Variants in VPS54 observed in about 807,000 individuals in gnomAD.
VPS54 encodes VPS54 subunit of GARP complex.
A neutral mutation model predicts 121.5 loss-of-function variants in VPS54; 45 were observed. The observed-to-expected ratio is 0.37, with a 90% CI of 0.29 to 0.47. The LOEUF (loss-of-function observed/expected upper bound fraction) is 0.47. Among genes scored for constraint, VPS54 ranks in the 20% least tolerant of loss-of-function variants. The pLI is 0.99. For missense variants in VPS54, 1,090 were observed against 1,131.4 expected, an observed-to-expected ratio of 0.96 and a Z score of 0.52; for synonymous variants, 371 against 385.8, an observed-to-expected ratio of 0.96 and a Z score of 0.45.
chr2:63,975,248 C>T (rs1186593397), intron 3 of VPS54: 1 of 448,780 alleles, frequency 2.2e-6, no homozygotes, highest in African/African-American at 1.9e-5. Flanking sequence ...CATCTTGCTT[C>T]TAACCTCCAA....
In VPS54 at chr2:63,962,154, A is replaced by G. The variant is rs1575962405; in HGVS notation, c.914T>C (p.Val305Ala). The G allele has an allele frequency of 6.2e-7, 1 of 1,613,550 alleles. No homozygotes were observed. Among genetic ancestry groups the G allele is most frequent in the South Asian group, 1.1e-5 (1 of 91,068 alleles). ...TVHQTQPTVQ[V>A]LLSTSEFVGA... is the part of the protein sequence containing the mutation. The stretch of plus-strand genomic sequence containing the variant: ...AACAAATTCAGAAGTAGATAATAAC[A>G]CCTGTACTGTAGGCTGAGTCTGGTG... Residue 305 changes from valine to alanine, a missense_variant, in exon 7 of 23, where the codon GTG (valine) becomes GCG (alanine). Transcript: ENST00000272322.
chr2:63,963,886 T>G (rs1675876338), intron 6 of VPS54, among the ~76,000 whole-genome samples: 1 of 152,136 alleles, frequency 6.6e-6, no homozygotes, highest in South Asian at 2.1e-4. Flanking sequence ...GTGGACTGTT[T>G]AACAGGGCCA....
chr2:63,970,244 T>TATATATATATATAGATATATATAG (rs1286828125), intron 4 of VPS54, among the ~76,000 whole-genome samples: 4 of 97,910 alleles, frequency 4.1e-5, no homozygotes, highest in African/African-American at 1.6e-4. Context: ...CACATTCTAA[T>TATATATATATATAGATATATATAG]ATATATATAG....
chr2:63,969,146 C>A (rs1676150726), intron 4 of VPS54, among the ~76,000 whole-genome samples, 155 bp from the exon 5 acceptor site: 1 of 152,170 alleles, frequency 6.6e-6, no homozygotes, highest in South Asian at 2.1e-4. Flanking sequence ...CTATTACATG[C>A]CTAGTAGTAG....
At chr2:63,991,583 C>A (rs1575999053) in intron 1 of VPS54, among the ~76,000 whole-genome samples, 2 of 152,180 alleles carry the variant, frequency 1.3e-5, no homozygotes, top group Admixed American at 1.3e-4. Context: ...TAAAAGCGGC[C>A]AAGCCGGCTC....
rs1388350268 is a variant in VPS54, at chr2:63,944,668, A to G, written c.1246-13T>C. ...TATTAATCACACACTGCAAAATTTAAGAAAAAACAAAAACAATTTGATTAA... is the reference window on the plus strand; with the variant it reads ...TATTAATCACACACTGCAAAATTTAGGAAAAAACAAAAACAATTTGATTAA... On this transcript the variant is annotated splice_polypyrimidine_tract_variant and intron_variant, in intron 9 of 22. Transcript: ENST00000272322. 7 of 1,596,450 alleles carry G rather than the reference A, an allele frequency of 4.4e-6. No individual in the cohort carries two copies. The East Asian group carries it at 1.6e-4, about 36-fold the overall frequency.
chr2:63,918,422 A>C (rs1673482879), intron 15 of VPS54, among the ~76,000 whole-genome samples: 1 of 151,968 alleles, frequency 6.6e-6, no homozygotes, highest in Non-Finnish European at 1.5e-5. Context: ...AATTAAATAT[A>C]GCTTGAAAGA....
At chr2:64,015,333 CT>C (rs1678630853) in intron 1 of VPS54, among the ~76,000 whole-genome samples, 1 of 151,918 alleles carries the variant, frequency 6.6e-6, no homozygotes, top group South Asian at 2.1e-4. Context: ...AACAGATTTC[CT>C]TTTATTTTTC....
chr2:63,995,847 A>T (rs1422343063), intron 1 of VPS54, among the ~76,000 whole-genome samples: 1 of 152,242 alleles, frequency 6.6e-6, no homozygotes, highest in African/African-American at 2.4e-5. Context: ...TTATCATTGG[A>T]CATGACTAAA....
At chr2:63,985,693 AC>A (rs1677019347) in intron 1 of VPS54, among the ~76,000 whole-genome samples, 1 of 148,206 alleles carries the variant, frequency 6.7e-6, no homozygotes. Context: ...ACACACACAC[AC>A]ACACACACAC....
chr2:63,982,527 T>C (rs115415424), intron 2 of VPS54, among the ~76,000 whole-genome samples: 3,637 of 152,368 alleles, frequency 0.024, 87 homozygotes, highest in Non-Finnish European at 0.038. Context: ...TTTCATCAAC[T>C]GATCAATACA....
At chr2:63,918,293 T>C (rs549874505) in intron 15 of VPS54, among the ~76,000 whole-genome samples, 7 of 152,174 alleles carry the variant, frequency 4.6e-5, no homozygotes, top group Admixed American at 3.9e-4. Context: ...TCCACATTTA[T>C]GATTTTAATT....
intron 7 of VPS54, among the ~76,000 whole-genome samples, chr2:63,951,685 G>A (rs555005443): frequency 3.3e-5 from 5 of 152,086 alleles, no homozygotes; most frequent in Non-Finnish European, 7.4e-5. Context: ...GGTAGTAAAT[G>A]ATAAAATAGA....
intron 1 of VPS54, among the ~76,000 whole-genome samples, chr2:63,988,161 T>C (rs985125344): frequency 3.3e-5 from 5 of 152,258 alleles, no homozygotes; most frequent in African/African-American, 9.6e-5. Flanking sequence ...GGGTCTGTCA[T>C]ACATGGCTTT....
chr2:63,981,892 A>C lies in VPS54; in HGVS notation c.137-5T>G. ...CATATAAACTATGTGAATCACCTGC[A>C]AAAAGTAAACAAGAGAACTCTGTAA... On this transcript the variant is annotated splice_polypyrimidine_tract_variant and splice_region_variant and intron_variant, in intron 2 of 22. Coordinates refer to ENST00000272322, the MANE Select transcript of VPS54 (RefSeq NM_016516.3). The C allele has an allele frequency of 6.2e-7, 1 of 1,607,344 alleles. No individual in the cohort carries two copies. The highest frequency in any genetic ancestry group is 8.5e-7 in the Non-Finnish European group (1 of 1,176,982).
intron 1 of VPS54, among the ~76,000 whole-genome samples, chr2:63,987,392 C>G (rs889267575): frequency 1.3e-5 from 2 of 152,116 alleles, no homozygotes; most frequent in African/African-American, 2.4e-5. Context: ...GGGTTCTCTA[C>G]TTGGTTCCAC....
At chr2:63,978,419 C>T (rs145541257) in intron 3 of VPS54, among the ~76,000 whole-genome samples, 89 of 152,220 alleles carry the variant, frequency 5.8e-4, no homozygotes, top group Middle Eastern at 6.8e-3. Flanking sequence ...TGCTCACCTG[C>T]CTCACCTTAT....
At chr2:63,978,764 C>A (rs1020581099) in intron 3 of VPS54, among the ~76,000 whole-genome samples, 2 of 151,972 alleles carry the variant, frequency 1.3e-5, no homozygotes, top group Non-Finnish European at 2.9e-5. Flanking sequence ...GGACTACAGG[C>A]GCGCACCACC....
chr2:63,985,151 A>AC (rs1676984070), intron 1 of VPS54, among the ~76,000 whole-genome samples: 1 of 151,980 alleles, frequency 6.6e-6, no homozygotes, highest in African/African-American at 2.4e-5. Context: ...GAAACCTCGT[A>AC]TCTATAAAAA....
Sources: gnomAD v4.1 joint callset for allele counts (sites outside exome capture counted in the v4.1 genomes callset) on GRCh38, gnomAD v4.1.1 for gene constraint, MANE v1.5 for transcripts, NCBI Gene and HGNC (gene_info 2026-07-23, HGNC 2026-07-21) for gene names.